Variants in AGBL4 observed in about 807,000 individuals in gnomAD.
AGBL4 encodes AGBL carboxypeptidase 4.
In AGBL4, 58 loss-of-function variants were observed where a neutral mutation model predicts 66.4. The observed-to-expected ratio is 0.87, with a 90% CI of 0.71 to 1.09. The LOEUF (loss-of-function observed/expected upper bound fraction) is 1.09. AGBL4 is among the 50% of genes least tolerant of loss of function. AGBL4 has a pLI of 0.00. For synonymous variants in AGBL4, 234 were observed against 222.9 expected (o/e 1.05, Z -0.44); for missense variants, 579 against 631.0 (o/e 0.92, Z 0.88).
chr1:49,106,494 T>C (rs1215953478), intron 4 of AGBL4, among the ~76,000 whole-genome samples: 1 of 152,172 alleles, frequency 6.6e-6, no homozygotes, highest in Non-Finnish European at 1.5e-5. Context: ...TCTGCATTCC[T>C]TGGAAATGGG....
chr1:49,286,893 C>T (rs898202539), intron 3 of AGBL4, among the ~76,000 whole-genome samples: 4 of 152,080 alleles, frequency 2.6e-5, no homozygotes, highest in African/African-American at 7.2e-5. Flanking sequence ...AAAAAAGAGC[C>T]CGCATCGCCA....
chr1:48,615,669 A>C (rs559446087), intron 9 of AGBL4, among the ~76,000 whole-genome samples: 1 of 152,344 alleles, frequency 6.6e-6, no homozygotes, highest in African/African-American at 2.4e-5. Context: ...TTATTTCAAC[A>C]ATCTTAAATC....
At chr1:49,371,817 CTGTGTGTGTGTGTG>C (rs55882947) in intron 3 of AGBL4, among the ~76,000 whole-genome samples, 2,028 of 140,030 alleles carry the variant, frequency 0.014, 26 homozygotes, top group East Asian at 0.019. Flanking sequence ...TTTTCAAACT[CTGTGTGTGTGTGTG>C]TGTGTGTGTG....
chr1:49,267,093 C>T (rs927942570), intron 3 of AGBL4, among the ~76,000 whole-genome samples: 6 of 152,162 alleles, frequency 3.9e-5, no homozygotes, highest in African/African-American at 1.4e-4. Flanking sequence ...AAGAATATGT[C>T]AAGAACTCTT....
chr1:49,473,868 A>G (rs1304542577), intron 3 of AGBL4, among the ~76,000 whole-genome samples: 1 of 152,032 alleles, frequency 6.6e-6, no homozygotes, highest in Non-Finnish European at 1.5e-5. Context: ...GTTTTCCCAG[A>G]AGCACTTGCT....
At chr1:48,524,834 T>C in the AGBL4 span, among the ~76,000 whole-genome samples, 3 of 151,040 alleles carry the variant, frequency 2.0e-5, no homozygotes, top group Non-Finnish European at 4.4e-5. Flanking sequence ...TCGTAGTCTC[T>C]CCCCAGCTTT....
At chr1:49,362,488 ACT>A (rs2148538421) in intron 3 of AGBL4, among the ~76,000 whole-genome samples, 1 of 147,962 alleles carries the variant, frequency 6.8e-6, no homozygotes, top group East Asian at 2.0e-4. Flanking sequence ...GAATCTAACT[ACT>A]CTCTGACTGA....
intron 10 of AGBL4, among the ~76,000 whole-genome samples, chr1:48,588,361 A>G (rs1272538950): frequency 6.6e-6 from 1 of 152,250 alleles, no homozygotes; most frequent in African/African-American, 2.4e-5. Flanking sequence ...GACATGCTCT[A>G]CTACCCACTG....
intron 3 of AGBL4, among the ~76,000 whole-genome samples, chr1:49,603,611 G>A (rs964265443): frequency 2.2e-4 from 33 of 151,696 alleles, no homozygotes; most frequent in African/African-American, 8.0e-4. Flanking sequence ...AGGCCTCTAG[G>A]AGGCAGGCCA....
chr1:49,687,930 T>C (rs1480691118), intron 3 of AGBL4, among the ~76,000 whole-genome samples: 1 of 152,230 alleles, frequency 6.6e-6, no homozygotes, highest in Non-Finnish European at 1.5e-5. Context: ...TTTTCTATTT[T>C]TAATTTTTAT....
At chr1:49,402,686 G>A (rs1388203152) in intron 3 of AGBL4, among the ~76,000 whole-genome samples, 2 of 151,470 alleles carry the variant, frequency 1.3e-5, no homozygotes, top group South Asian at 2.1e-4. Context: ...TCCTGCCTCA[G>A]CCTCCTGAGT....
chr1:49,915,082 A>AT (rs1275190219), intron 1 of AGBL4, among the ~76,000 whole-genome samples: 1 of 152,220 alleles, frequency 6.6e-6, no homozygotes, highest in African/African-American at 2.4e-5. Flanking sequence ...ACTTAGGACA[A>AT]TTTTAAGTAA....
At chr1:48,735,577 C>A (rs1648909979) in intron 6 of AGBL4, among the ~76,000 whole-genome samples, 1 of 151,936 alleles carries the variant, frequency 6.6e-6, no homozygotes, top group Non-Finnish European at 1.5e-5. Context: ...AGAGAAAATT[C>A]CAGAGTCCAG....
chr1:48,913,061 G>A (rs77970483), intron 5 of AGBL4, among the ~76,000 whole-genome samples: 1 of 152,108 alleles, frequency 6.6e-6, no homozygotes, highest in Non-Finnish European at 1.5e-5. Flanking sequence ...TAACTATGAA[G>A]TTTTATATCA....
At chr1:49,524,483 C>T (rs531859393) in intron 3 of AGBL4, among the ~76,000 whole-genome samples, 2 of 152,100 alleles carry the variant, frequency 1.3e-5, no homozygotes, top group South Asian at 2.1e-4. Context: ...AGAATATAGT[C>T]CTGGGCATCT....
chr1:49,905,469 G>GATGGTTCAGATT (rs1650183389), intron 1 of AGBL4, among the ~76,000 whole-genome samples: 1 of 152,172 alleles, frequency 6.6e-6, no homozygotes, highest in Admixed American at 6.5e-5. Context: ...CTTGGTCCAG[G>GATGGTTCAGATT]ATGGTTCAGA....
At chr1:49,647,737 C>A (rs1317535229) in intron 3 of AGBL4, among the ~76,000 whole-genome samples, 2 of 151,912 alleles carry the variant, frequency 1.3e-5, no homozygotes, top group Non-Finnish European at 2.9e-5. Context: ...CAGAACTTAA[C>A]TGACTTGAGA....
At position 49,353,870 on chromosome 1, in the gene AGBL4, CA is replaced by C. The variant is rs202230762; in HGVS notation, c.283-108007del. On this transcript the variant is annotated intron_variant, in intron 3 of 13. Transcript: ENST00000371839. Reference sequence around the variant, plus strand: ...GGACAGCTGAACTCCAGGGAAAGATCATCTTCCCACTCCATCCTCTTTCCAG... The same window carrying C: ...GGACAGCTGAACTCCAGGGAAAGATCTCTTCCCACTCCATCCTCTTTCCAG... 6.8e-3 allele frequency among the ~76,000 whole-genome samples: 1,036 copies of C among 152,214 alleles called. 11 individuals are homozygous for C. Among genetic ancestry groups the C allele is most frequent in the African/African-American group, 0.023 (964 of 41,524 alleles).
intron 4 of AGBL4, among the ~76,000 whole-genome samples, chr1:49,218,992 T>C (rs1649292141): frequency 6.6e-6 from 1 of 152,172 alleles, no homozygotes; most frequent in Admixed American, 6.5e-5. Flanking sequence ...TGTGAGTCCA[T>C]TAAACCTCTT....
Sources: allele counts gnomAD v4.1 joint callset (sites outside exome capture counted in the v4.1 genomes callset), GRCh38; gene constraint gnomAD v4.1.1; transcripts MANE v1.5; gene names NCBI Gene and HGNC (gene_info 2026-07-23, HGNC 2026-07-21).